Variants in ZBTB38 observed in about 807,000 individuals in gnomAD.
The protein encoded by ZBTB38 is zinc finger and BTB domain containing 38.
A neutral mutation model predicts 76.8 loss-of-function variants in ZBTB38; 20 were observed. The ratio of observed to expected loss-of-function variants is 0.26; its 90% CI spans 0.18 to 0.38. The LOEUF is 0.38. Among genes scored for constraint, ZBTB38 ranks in the 10% least tolerant of loss-of-function variants. The pLI, the probability that ZBTB38 is intolerant of heterozygous loss-of-function variation, is 1.00. For synonymous variants in ZBTB38, 504 were observed against 544.2 expected, an observed-to-expected ratio of 0.93 and a Z score of 1.03; for missense variants, 1,082 against 1,482.3, an observed-to-expected ratio of 0.73 and a Z score of 4.43.
intron 5 of ZBTB38, among the ~76,000 whole-genome samples, chr3:141,408,478 T>C (rs1955436864): frequency 6.6e-6 from 1 of 151,574 alleles, no homozygotes; most frequent in African/African-American, 2.4e-5. Flanking sequence ...ACCTGGGAGG[T>C]AGAAGTTGCA....
At chr3:141,426,275 T>C (rs2150329210) in intron 5 of ZBTB38, 2 of 1,034,414 alleles carry the variant, frequency 1.9e-6, no homozygotes, top group South Asian at 1.3e-5. Context: ...AGACCCTGTC[T>C]CCCAAACCCT....
At chr3:141,423,851 A>G (rs1394625230) in intron 5 of ZBTB38, among the ~76,000 whole-genome samples, 1 of 152,234 alleles carries the variant, frequency 6.6e-6, no homozygotes, top group Non-Finnish European at 1.5e-5. Context: ...ACACCAAAGT[A>G]TTCTCTAAAA....
chr3:141,407,326 G>A (rs1577133090), intron 5 of ZBTB38, among the ~76,000 whole-genome samples: 1 of 152,290 alleles, frequency 6.6e-6, no homozygotes, highest in East Asian at 1.9e-4. Flanking sequence ...TTCCAGACTT[G>A]TGACTTTAGA....
chr3:141,444,369 A>G lies in ZBTB38; in HGVS notation c.1981A>G (p.Lys661Glu), dbSNP rs1289882129. ...EGTKWGEEAL[K>E]MDLDNNFYST... ...TACCAAATGGGGAGAGGAGGCATTG[A>G]AAATGGATCTTGACAATAACTTTTA... Residue 661 changes from lysine (K) to glutamate (E), a missense_variant, in exon 6 of 6, where the codon AAA becomes GAA. Transcript: ENST00000321464. The surrounding 1 kb of genome is among the most constrained non-coding windows in gnomAD (Gnocchi z 5.1). 6.2e-7 allele frequency: 1 copy of G among 1,614,172 alleles called. No individual in the cohort carries two copies. Among genetic ancestry groups the G allele is most frequent in the Admixed American group, 1.7e-5 (1 of 60,030 alleles).
chr3:141,402,504 C>A (rs944785412), intron 4 of ZBTB38: 5 of 147,894 alleles, frequency 3.4e-5, no homozygotes, highest in South Asian at 2.1e-4. Flanking sequence ...GGGCGAGGCG[C>A]GGCCTGCGGG....
At chr3:141,346,797 T>TGTGTGTG (rs1332230574) in intron 1 of ZBTB38, among the ~76,000 whole-genome samples, 2 of 151,450 alleles carry the variant, frequency 1.3e-5, no homozygotes, top group African/African-American at 4.9e-5. Flanking sequence ...TGTGTGTGTG[T>TGTGTGTG]GTGTGTGTGT....
rs201135573 is a variant in ZBTB38, at chr3:141,443,178, C to T, written c.790C>T (p.Arg264Trp). The T allele has an allele frequency of 1.2e-5, 19 of 1,614,040 alleles. No individual in the cohort carries two copies. The highest frequency in any genetic ancestry group is 5.5e-5 in the South Asian group (5 of 91,084). ...CCTTGCAGCGAAACCGAAAACATGC[C>T]GGAAGCCAAAGACATTCTCCATACC... ...EALAAKPKTC[R>W]KPKTFSIPQD... The change falls in exon 6 of 6, where the codon CGG becomes TGG. Residue 264 changes from arginine (R) to tryptophan (W), a missense_variant. This residue lies in a region of ZBTB38 where 324 missense variants were observed against 359.1 expected (regional missense o/e 0.90). Transcript: ENST00000321464. The surrounding 1 kb of genome is among the most constrained non-coding windows in gnomAD (Gnocchi z 5.6).
rs189350406 is a variant in ZBTB38, at chr3:141,350,039, C to T, written c.-738-18582C>T. 3.0e-3 allele frequency among the ~76,000 whole-genome samples: 456 copies of T among 152,138 alleles called. 1 individual carries two copies. Among genetic ancestry groups the T allele is most frequent in the African/African-American group, 0.011 (439 of 41,504 alleles). On this transcript the variant is annotated intron_variant, in intron 1 of 7. Transcript: ENST00000509842. ...GGACAAAAAGATAGAAATCATAAAA[C>T]GAAAGAGTCTTAGAGGGCTAATCCA... is the stretch of plus-strand genomic sequence containing the variant.
In ZBTB38 at chr3:141,443,652, T is replaced by C. The variant is rs757060446; in HGVS notation, c.1264T>C (p.Phe422Leu). ...YPTIGQNGGS[F>L]TGPEPLLSEN... Reference sequence around the variant, plus strand: ...TACCATTGGACAAAATGGAGGTTCATTCACAGGTCCAGAACCTTTATTATC... The same window carrying C: ...TACCATTGGACAAAATGGAGGTTCACTCACAGGTCCAGAACCTTTATTATC... The change falls in exon 6 of 6, where the codon TTC becomes CTC. Residue 422 changes from phenylalanine (F) to leucine (L), a missense_variant. Phe to Leu is a conservative substitution (Grantham distance 22). Transcript: ENST00000321464. This position sits in a 1 kb window ranked among gnomAD's most constrained non-coding sequence, Gnocchi z 5.6. The C allele has an allele frequency of 2.5e-6, 4 of 1,614,232 alleles. No homozygotes were observed. The highest frequency in any genetic ancestry group is 3.4e-6 in the Non-Finnish European group (4 of 1,180,044).
At chr3:141,405,981 T>C (rs879541901) in intron 5 of ZBTB38, among the ~76,000 whole-genome samples, 20 of 152,198 alleles carry the variant, frequency 1.3e-4, no homozygotes, top group Non-Finnish European at 2.1e-4. Flanking sequence ...ATGTGGCATT[T>C]CAATAAAAGA....
chr3:141,382,043 A>G (rs963286022), intron 3 of ZBTB38, among the ~76,000 whole-genome samples: 3 of 152,234 alleles, frequency 2.0e-5, no homozygotes, highest in Non-Finnish European at 4.4e-5. Context: ...AAAAATCATA[A>G]TAGCTACTTA....
At chr3:141,326,388 C>T (rs1476604879) in intron 1 of ZBTB38, among the ~76,000 whole-genome samples, 2 of 152,144 alleles carry the variant, frequency 1.3e-5, no homozygotes, top group African/African-American at 2.4e-5. Context: ...CCTCCCAACC[C>T]ATGGAGAGGC....
intron 1 of ZBTB38, among the ~76,000 whole-genome samples, chr3:141,329,429 G>T (rs868852769): frequency 1.3e-5 from 2 of 152,128 alleles, no homozygotes; most frequent in Admixed American, 1.3e-4. Flanking sequence ...TTAATGACTC[G>T]TGACTGTACA....
chr3:141,338,163 G>A (rs1943069317), intron 1 of ZBTB38, among the ~76,000 whole-genome samples: 2 of 152,210 alleles, frequency 1.3e-5, no homozygotes, highest in South Asian at 4.1e-4. Context: ...AGGTTGCAGA[G>A]AAAAGGGAAC....
At chr3:141,343,928 C>T (rs1943267049) in intron 1 of ZBTB38, among the ~76,000 whole-genome samples, 1 of 152,094 alleles carries the variant, frequency 6.6e-6, no homozygotes, top group Admixed American at 6.6e-5. Flanking sequence ...CTTTTTCACC[C>T]AAGGGCCTCT....
chr3:141,373,851 C>A (rs1051462978), intron 2 of ZBTB38, among the ~76,000 whole-genome samples: 3 of 152,062 alleles, frequency 2.0e-5, no homozygotes, highest in Non-Finnish European at 4.4e-5. Flanking sequence ...TGATAAAGGC[C>A]GGGAGTGGTG....
At chr3:141,405,923 G>T (rs986814956) in intron 5 of ZBTB38, among the ~76,000 whole-genome samples, 5 of 152,158 alleles carry the variant, frequency 3.3e-5, no homozygotes, top group African/African-American at 9.7e-5. Flanking sequence ...TTTATCCCTG[G>T]CAGTCAAGAG....
At chr3:141,377,875 G>A (rs765410653) in intron 2 of ZBTB38, among the ~76,000 whole-genome samples, 7 of 152,114 alleles carry the variant, frequency 4.6e-5, no homozygotes, top group Non-Finnish European at 7.4e-5. Flanking sequence ...TTTAGAGAAC[G>A]TTCTTGGACT....
rs144335445 is a variant in ZBTB38 at position 141,436,332 on chromosome 3, C to T, written c.1-6057C>T. On this transcript the variant is annotated intron_variant, in intron 5 of 5. Coordinates refer to ENST00000321464, the MANE Select transcript of ZBTB38 (RefSeq NM_001376113.1). ...TATCAGTTACACAAACTGAACCTGC[C>T]GAAGAGGCCAGGCAGGCCACATTAC... Among the ~76,000 whole-genome samples the T allele has an allele frequency of 4.6e-5, 7 of 152,192 alleles. No individual in the cohort carries two copies. The East Asian group carries it at 5.8e-4, about 13-fold the overall frequency.
Sources: gnomAD v4.1 joint callset for allele counts (sites outside exome capture counted in the v4.1 genomes callset) on GRCh38, gnomAD v4.1.1 for gene constraint, gnomAD v4.1.1 regional missense constraint, Gnocchi (gnomAD v3.1) non-coding constraint, MANE v1.5 for transcripts, NCBI Gene and HGNC (gene_info 2026-07-23, HGNC 2026-07-21) for gene names.